Variants in NRCAM observed in about 807,000 individuals in gnomAD.
NRCAM encodes neuronal cell adhesion molecule, also known as NgCAM-related cell adhesion molecule.
In NRCAM, 83 loss-of-function variants were observed where a neutral mutation model predicts 156.5. That is an observed-to-expected ratio of 0.53 (90% CI 0.44 to 0.64). The LOEUF (loss-of-function observed/expected upper bound fraction) is 0.64, where lower values mean the gene tolerates loss of function less well. NRCAM is among the 30% of genes least tolerant of loss of function. The probability of loss-of-function intolerance (pLI) is 0.00; values close to 1 mark genes in which losing one functional copy is unlikely to be tolerated. For synonymous variants in NRCAM, 538 were observed against 563.9 expected, an observed-to-expected ratio of 0.95 and a Z score of 0.65; for missense variants, 1,417 against 1,597.3, an observed-to-expected ratio of 0.89 and a Z score of 1.92.
At chr7:108,211,417 T>C (rs1162490653) in intron 11 of NRCAM, among the ~76,000 whole-genome samples, 5 of 152,310 alleles carry the variant, frequency 3.3e-5, no homozygotes, top group Middle Eastern at 3.4e-3. Flanking sequence ...GAATCCAGCA[T>C]GCAGACTCCA....
At chr7:108,384,398 G>T (rs559508668) in intron 2 of NRCAM, among the ~76,000 whole-genome samples, 2 of 152,200 alleles carry the variant, frequency 1.3e-5, no homozygotes, top group Non-Finnish European at 2.9e-5. Flanking sequence ...GCACAAGATG[G>T]GAGATGGGTT....
chr7:108,351,994 C>T (rs1300616715), intron 2 of NRCAM, among the ~76,000 whole-genome samples: 1 of 151,938 alleles, frequency 6.6e-6, no homozygotes, highest in Non-Finnish European at 1.5e-5. Context: ...CTTGGGGACC[C>T]CTCTCAAAGC....
intron 1 of NRCAM, among the ~76,000 whole-genome samples, chr7:108,421,494 G>A (rs1809782474): frequency 6.6e-6 from 1 of 152,102 alleles, no homozygotes; most frequent in Non-Finnish European, 1.5e-5. Context: ...AAAATGGACT[G>A]AAATAAAGAA....
At chr7:108,180,802 T>C (rs528218207) in intron 24 of NRCAM, among the ~76,000 whole-genome samples, 15 of 152,338 alleles carry the variant, frequency 9.8e-5, no homozygotes, top group Admixed American at 3.3e-4. Context: ...TGTTTACATA[T>C]TTTTCCAGAA....
At chr7:108,357,825 G>A (rs1226560912) in intron 2 of NRCAM, among the ~76,000 whole-genome samples, 2 of 152,192 alleles carry the variant, frequency 1.3e-5, no homozygotes, top group African/African-American at 4.8e-5. Context: ...AGTTTCTCTA[G>A]TTGGGTTTTC....
At chr7:108,180,631 T>C (rs116168846) in intron 24 of NRCAM, among the ~76,000 whole-genome samples, 1 of 152,236 alleles carries the variant, frequency 6.6e-6, no homozygotes, top group Non-Finnish European at 1.5e-5. Flanking sequence ...TACAGCCACA[T>C]GACAAAGCTG....
intron 2 of NRCAM, among the ~76,000 whole-genome samples, chr7:108,338,476 T>C (rs2099232416): frequency 6.6e-6 from 1 of 152,160 alleles, no homozygotes; most frequent in Non-Finnish European, 1.5e-5. Flanking sequence ...GTTCTCGACA[T>C]GGGCAGTTAT....
chr7:108,434,313 G>A (rs1829480302), intron 1 of NRCAM, among the ~76,000 whole-genome samples: 1 of 152,162 alleles, frequency 6.6e-6, no homozygotes, highest in Non-Finnish European at 1.5e-5. Flanking sequence ...GTTTTTACTG[G>A]AAAGCAAACA....
chr7:108,410,190 T>C (rs978106974), intron 1 of NRCAM, among the ~76,000 whole-genome samples: 3 of 152,232 alleles, frequency 2.0e-5, no homozygotes, highest in South Asian at 2.1e-4. Context: ...AAAGTACAGA[T>C]AGAAAAATAT....
At chr7:108,316,703 G>T (rs1430838333) in intron 2 of NRCAM, among the ~76,000 whole-genome samples, 1 of 151,756 alleles carries the variant, frequency 6.6e-6, no homozygotes, top group Admixed American at 6.6e-5. Flanking sequence ...AACAATCAAT[G>T]GTGTGAACCC....
chr7:108,237,737 TAGA>T lies in NRCAM; in HGVS notation c.124+12_124+14del. 1 of 1,580,708 alleles carries T rather than the reference TAGA, an allele frequency of 6.3e-7. No homozygotes were observed. The highest frequency in any genetic ancestry group is 8.6e-7 in the Non-Finnish European group (1 of 1,164,612). On this transcript the variant is annotated intron_variant, in intron 5 of 32. Transcript: ENST00000379028. ...CATTTTCACACTGCCTAGTAATTTA[TAGA>T]AGGACACTTACAGTCTTCAAGAAGT...
chr7:108,381,421 A>G (rs1563531326), intron 2 of NRCAM, among the ~76,000 whole-genome samples: 1 of 152,206 alleles, frequency 6.6e-6, no homozygotes, highest in Non-Finnish European at 1.5e-5. Context: ...GACAATTTTG[A>G]GTATTGCTGT....
intron 13 of NRCAM, among the ~76,000 whole-genome samples, chr7:108,199,823 T>C (rs1563402125): frequency 6.6e-6 from 1 of 152,182 alleles, no homozygotes; most frequent in African/African-American, 2.4e-5. Flanking sequence ...TTTCTAGGGA[T>C]TGGGATGTAG....
intron 1 of NRCAM, among the ~76,000 whole-genome samples, chr7:108,451,142 C>G (rs1016196675): frequency 4.0e-5 from 6 of 151,088 alleles, no homozygotes; most frequent in Non-Finnish European, 7.4e-5. Flanking sequence ...TCACTTGAAC[C>G]AGGGAGGCAG....
At chr7:108,234,462 G>A (rs1269632) in intron 6 of NRCAM, 121 bp downstream of exon 6, 544,685 of 653,112 alleles carry the variant, frequency 0.83, 228,051 homozygotes, top group East Asian at 0.99. Context: ...ATATCCAACT[G>A]AAAAAGGAAG....
At chr7:108,188,644 A>G (rs185382618) in intron 20 of NRCAM, among the ~76,000 whole-genome samples, 158 of 150,378 alleles carry the variant, frequency 1.1e-3, no homozygotes, top group African/African-American at 3.7e-3. Context: ...AATATAGGAA[A>G]AAAGAGTCTC....
chr7:108,308,182 G>A (rs139925968), intron 3 of NRCAM, among the ~76,000 whole-genome samples: 1,711 of 152,284 alleles, frequency 0.011, 18 homozygotes, highest in Middle Eastern at 0.027. Flanking sequence ...TTTAATAGAG[G>A]TTGTACTTGC....
intron 2 of NRCAM, among the ~76,000 whole-genome samples, chr7:108,388,878 G>A (rs1031770650): frequency 1.1e-4 from 17 of 151,898 alleles, no homozygotes; most frequent in African/African-American, 3.6e-4. Context: ...GTAGATATGC[G>A]GCATTAATTC....
At chr7:108,296,541 G>C (rs890470086) in intron 3 of NRCAM, among the ~76,000 whole-genome samples, 10 of 152,102 alleles carry the variant, frequency 6.6e-5, no homozygotes, top group Admixed American at 2.0e-4. Context: ...CCAAGCCTAG[G>C]AGGAGAAGTT....
Sources: allele counts gnomAD v4.1 joint callset (sites outside exome capture counted in the v4.1 genomes callset), GRCh38; gene constraint gnomAD v4.1.1; transcripts MANE v1.5; gene names NCBI Gene and HGNC (gene_info 2026-07-23, HGNC 2026-07-21).